SNX2: variants seen among roughly 807,000 people sequenced by gnomAD.
SNX2 encodes the protein sorting nexin-2.
In SNX2, 25 loss-of-function variants were observed where a neutral mutation model predicts 69.9. That is an observed-to-expected ratio of 0.36 (90% CI 0.26 to 0.50). The LOEUF is 0.50. SNX2 is among the 20% of genes least tolerant of loss of function. The pLI is 0.97. For missense variants in SNX2, 551 were observed against 613.3 expected, an observed-to-expected ratio of 0.90 and a Z score of 1.07; for synonymous variants, 229 against 200.4, an observed-to-expected ratio of 1.14 and a Z score of -1.20.
In SNX2 at chr5:122,799,826, C is replaced by A. The variant is rs1353784446; in HGVS notation, c.361C>A (p.Pro121Thr). The A allele has an allele frequency of 3.1e-6, 5 of 1,612,318 alleles. No individual in the cohort carries two copies. Among genetic ancestry groups the A allele is most frequent in the Non-Finnish European group, 4.2e-6 (5 of 1,178,944 alleles). Residue 121 changes from proline (P) to threonine (T), a missense_variant, in exon 3 of 15, where the codon CCC becomes ACC. Physicochemically the swap from Pro to Thr is conservative, Grantham distance 38. Around this residue, in one of 2 missense-constraint regions of SNX2, gnomAD observed 191 missense variants for 162.9 expected, o/e 1.17. Transcript: ENST00000379516. ...AATTGAATCAAAGAGTATGTCTGCTCCCGTGATCTTTGATAGATCCAGGGA... is the reference window on the plus strand; with the variant it reads ...AATTGAATCAAAGAGTATGTCTGCTACCGTGATCTTTGATAGATCCAGGGA... ...PRIESKSMSA[P>T]VIFDRSREEI... is the part of the protein sequence containing the mutation.
Position 122,829,777 on chromosome 5 carries a change from CA to C in SNX2, c.*130del. ...TATGAATTACATGTGGTTTTATATA[CA>C]CACACACACACACACACACACACAC... is the stretch of plus-strand genomic sequence containing the variant. On this transcript the variant is annotated 3_prime_UTR_variant, in exon 15 of 15. Coordinates refer to ENST00000379516, the MANE Select transcript of SNX2 (RefSeq NM_003100.4). 1.1e-4 allele frequency: 2 copies of C among 18,862 alleles called. No individual in the cohort carries two copies. The highest frequency in any genetic ancestry group is 1.7e-4 in the Non-Finnish European group (2 of 11,532). 1.2% of individuals were successfully genotyped at this position (18,862 alleles called of 1,614,324 possible).
At chr5:122,803,747 T>G (rs368147811) in intron 6 of SNX2, 134 bp downstream of exon 6, 12 of 620,456 alleles carry the variant, frequency 1.9e-5, no homozygotes, top group East Asian at 8.7e-5. Flanking sequence ...TTTAAGTATT[T>G]CATTTATACT....
At position 122,806,103 on chromosome 5, in the gene SNX2, T is replaced by TGTGTGTGC. The variant is rs1439913159; in HGVS notation, c.644-2167_644-2166insCGTGTGTG. Among the ~76,000 whole-genome samples, 34 of 91,176 alleles carry TGTGTGTGC rather than the reference T, an allele frequency of 3.7e-4. No homozygotes were observed. In the East Asian group the frequency reaches 8.2e-3, roughly 22 times the overall value. The allele number at this position is 91,176 out of a possible 152,430, so 59.8% of individuals were successfully genotyped here. On this transcript the variant is annotated intron_variant, in intron 6 of 14. Transcript: ENST00000379516. ...CCTGTTTAAAACTTTTATGTGTGTG[T>TGTGTGTGC]GTGTGTGTGCGTGTGTGTATATATA...
At chr5:122,815,802 C>CT in intron 7 of SNX2, 94 bp from the exon 8 acceptor site, 28 of 607,330 alleles carry the variant, frequency 4.6e-5, no homozygotes, top group South Asian at 8.2e-5. Flanking sequence ...AGTGAGGACA[C>CT]TTTTTTTTCC....
At chr5:122,825,301 A>C (rs1210429712) in intron 11 of SNX2, among the ~76,000 whole-genome samples, 6 of 152,054 alleles carry the variant, frequency 3.9e-5, no homozygotes, top group South Asian at 2.1e-4. Flanking sequence ...CTCCCATCCT[A>C]TCCATCATTT....
intron 6 of SNX2, among the ~76,000 whole-genome samples, chr5:122,805,319 A>AT (rs1481351698): frequency 1.5e-4 from 22 of 146,942 alleles, no homozygotes; most frequent in African/African-American, 2.7e-4. Flanking sequence ...AATTTTGCTG[A>AT]TTTATTTTTT....
At chr5:122,828,224 A>C (rs1754204157) in intron 14 of SNX2, among the ~76,000 whole-genome samples, 1 of 152,172 alleles carries the variant, frequency 6.6e-6, no homozygotes, top group Non-Finnish European at 1.5e-5. Flanking sequence ...AATATCTTGA[A>C]GGATTTCTTC....
intron 2 of SNX2, among the ~76,000 whole-genome samples, chr5:122,797,995 A>G (rs1214046553): frequency 6.6e-6 from 1 of 152,212 alleles, no homozygotes; most frequent in Non-Finnish European, 1.5e-5. Flanking sequence ...AAATGACTTT[A>G]TCTGTACTGA....
At position 122,829,588 on chromosome 5, in the gene SNX2, T is replaced by C. The variant is rs1216935409; in HGVS notation, c.1510-10T>C. The stretch of plus-strand genomic sequence containing the variant: ...ATGAGAATAACTTATATTTTAATTA[T>C]CATTCACAGCTGATAAAATACTGGG... On this transcript the variant is annotated splice_polypyrimidine_tract_variant and intron_variant, in intron 14 of 14. Transcript: ENST00000379516. 6.2e-7 allele frequency: 1 copy of C among 1,605,314 alleles called. No individual in the cohort carries two copies. Among genetic ancestry groups the C allele is most frequent in the African/African-American group, 1.3e-5 (1 of 74,836 alleles).
In SNX2 at chr5:122,831,466, C is replaced by T. The variant is rs1463996673; in HGVS notation, c.*1818C>T. ...CCCACTAACCTACAGCCAGCCTGGA[C>T]AACATAGTGAGACCCTGTCTCTAAA... On this transcript the variant is annotated 3_prime_UTR_variant, in exon 15 of 15. Transcript: ENST00000379516. Among the ~76,000 whole-genome samples the T allele has an allele frequency of 6.6e-6, 1 of 152,006 alleles. No homozygotes were observed. Among genetic ancestry groups the T allele is most frequent in the African/African-American group, 2.4e-5 (1 of 41,372 alleles).
chr5:122,783,445 G>A (rs1326796155), intron 1 of SNX2, among the ~76,000 whole-genome samples: 1 of 152,016 alleles, frequency 6.6e-6, no homozygotes, highest in South Asian at 2.1e-4. Flanking sequence ...ATTTTACATT[G>A]TACATTTAGG....
chr5:122,784,933 C>T (rs1250340821), intron 1 of SNX2, among the ~76,000 whole-genome samples: 2 of 152,124 alleles, frequency 1.3e-5, no homozygotes, highest in Admixed American at 6.5e-5. Context: ...TCATGGTGAA[C>T]TTTGGAAGTA....
At chr5:122,812,083 A>C (rs1753791591) in intron 7 of SNX2, among the ~76,000 whole-genome samples, 1 of 152,220 alleles carries the variant, frequency 6.6e-6, no homozygotes, top group South Asian at 2.1e-4. Context: ...GGTGTTAATT[A>C]ACTGCAGTAG....
chr5:122,789,513 T>C (rs924454663), intron 1 of SNX2, among the ~76,000 whole-genome samples: 3 of 149,328 alleles, frequency 2.0e-5, no homozygotes, highest in Non-Finnish European at 3.0e-5. Flanking sequence ...ACTCTTCCTC[T>C]AGCCCGAAAG....
At chr5:122,782,031 A>G (rs1222087187) in intron 1 of SNX2, among the ~76,000 whole-genome samples, 1 of 152,184 alleles carries the variant, frequency 6.6e-6, no homozygotes, top group Non-Finnish European at 1.5e-5. Flanking sequence ...AAAGCTAAAA[A>G]TCTGGATCTT....
At chr5:122,809,003 T>C (rs1425210820) in intron 7 of SNX2, among the ~76,000 whole-genome samples, 2 of 152,152 alleles carry the variant, frequency 1.3e-5, no homozygotes, top group African/African-American at 4.8e-5. Context: ...CTATATACAG[T>C]TGACCCTCCA....
In SNX2 at chr5:122,827,595, T is replaced by C. The variant is rs1212344730; in HGVS notation, c.1458T>C (p.Phe486=). The change falls in exon 14 of 15, where the codon TTT becomes TTC. Residue 486 remains phenylalanine, a synonymous_variant. Transcript: ENST00000379516. ...GRFEKERVKD[F]KTVIIKYLES... ...AACAGAAAGAACGAGTGAAGGATTT[T>C]AAAACCGTTATCATCAAGTACTTAG... 6.2e-7 allele frequency: 1 copy of C among 1,613,394 alleles called. No homozygotes were observed. Among genetic ancestry groups the C allele is most frequent in the Non-Finnish European group, 8.5e-7 (1 of 1,179,508 alleles).
At chr5:122,821,114 G>A (rs1031777501) in intron 11 of SNX2, among the ~76,000 whole-genome samples, 10 of 152,074 alleles carry the variant, frequency 6.6e-5, no homozygotes, top group Admixed American at 5.9e-4. Flanking sequence ...TATGGTTTTT[G>A]TTTTTGTCCT....
At chr5:122,787,009 A>G (rs1328597982) in intron 1 of SNX2, among the ~76,000 whole-genome samples, 1 of 152,216 alleles carries the variant, frequency 6.6e-6, no homozygotes. Flanking sequence ...ACTCAGTTGT[A>G]TATCTTGGAC....
Sources: allele counts gnomAD v4.1 joint callset (sites outside exome capture counted in the v4.1 genomes callset), GRCh38; gene constraint gnomAD v4.1.1; regional missense constraint gnomAD v4.1.1; transcripts MANE v1.5; gene names NCBI Gene and HGNC (gene_info 2026-07-23, HGNC 2026-07-21).